The following PTPRD variants were observed in gnomAD, a reference collection of about 807,000 sequenced individuals.
PTPRD encodes protein tyrosine phosphatase receptor type D, also known as receptor-type tyrosine-protein phosphatase delta.
In PTPRD, 34 loss-of-function variants were observed where a neutral mutation model predicts 214.5. The ratio of observed to expected loss-of-function variants is 0.16; its 90% confidence interval spans 0.12 to 0.21. The LOEUF is 0.21. Ranked by LOEUF, PTPRD falls within the 10% of genes least tolerant of loss-of-function variation. The pLI is 1.00. For missense variants in PTPRD, 2,545 were observed against 2,398.7 expected (o/e 1.06, Z -1.27); for synonymous variants, 1,128 against 845.7 (o/e 1.33, Z -5.79).
chr9:9,137,184 C>T lies in PTPRD; in HGVS notation c.-143+46120G>A, dbSNP rs1021621384. ...TGCTATTGAAGAGGAATTATTGATT[C>T]TTGTTATAATAGCTGCATTTCAGCT... On this transcript the variant is annotated intron_variant, in intron 10 of 45. Transcript: ENST00000381196. Among the ~76,000 whole-genome samples, 8 of 152,214 alleles carry T rather than the reference C, an allele frequency of 5.3e-5. No homozygotes were observed. In the South Asian group the frequency reaches 1.7e-3, roughly 32 times the overall value.
intron 2 of PTPRD, among the ~76,000 whole-genome samples, chr9:10,367,143 A>G (rs569187392): frequency 6.6e-6 from 1 of 152,160 alleles, no homozygotes. Context: ...CAGGTTTACA[A>G]TGTAGAGTAG....
chr9:9,544,992 AGAG>A (rs1728232613), intron 8 of PTPRD, among the ~76,000 whole-genome samples: 2 of 151,614 alleles, frequency 1.3e-5, no homozygotes, highest in African/African-American at 2.4e-5. Flanking sequence ...TTTATTTTTT[AGAG>A]GAGTTTTACA....
chr9:8,560,166 T>C (rs1191584421), intron 14 of PTPRD, among the ~76,000 whole-genome samples: 1 of 152,224 alleles, frequency 6.6e-6, no homozygotes, highest in African/African-American at 2.4e-5. Flanking sequence ...ATTCTGCTTT[T>C]TGTGGGTTTA....
At chr9:10,514,815 C>T (rs867404651) in intron 2 of PTPRD, among the ~76,000 whole-genome samples, 7 of 152,028 alleles carry the variant, frequency 4.6e-5, no homozygotes, top group Middle Eastern at 3.4e-3. Context: ...CCACATGGTT[C>T]TTTAAAAAGT....
chr9:8,929,693 ATATATATATGTG>A (rs2098931067), intron 11 of PTPRD, among the ~76,000 whole-genome samples: 3 of 99,204 alleles, frequency 3.0e-5, no homozygotes, highest in Non-Finnish European at 7.4e-5. Context: ...ATATATGTGT[ATATATATATGTG>A]TATATATATA....
chr9:10,359,020 T>C (rs1362904068), intron 2 of PTPRD, among the ~76,000 whole-genome samples: 1 of 152,060 alleles, frequency 6.6e-6, no homozygotes, highest in African/African-American at 2.4e-5. Flanking sequence ...AAGTTGTTTT[T>C]TCCTTGCCTA....
intron 9 of PTPRD, among the ~76,000 whole-genome samples, chr9:9,386,958 G>A (rs1021477335): frequency 6.6e-6 from 1 of 152,134 alleles, no homozygotes; most frequent in Non-Finnish European, 1.5e-5. Context: ...TACAGAATGA[G>A]AATTCCAAGA....
chr9:9,469,752 CT>C (rs1189909376), intron 8 of PTPRD, among the ~76,000 whole-genome samples: 1 of 152,072 alleles, frequency 6.6e-6, no homozygotes, highest in African/African-American at 2.4e-5. Flanking sequence ...TCTGCCTGGG[CT>C]TCCTAAGGGA....
chr9:9,842,549 C>A (rs192455756), intron 5 of PTPRD, among the ~76,000 whole-genome samples: 63 of 151,924 alleles, frequency 4.1e-4, no homozygotes, highest in African/African-American at 1.5e-3. Flanking sequence ...AAAAGAGAGA[C>A]TAGATGTCAG....
intron 3 of PTPRD, among the ~76,000 whole-genome samples, chr9:10,037,708 C>T (rs2097213222): frequency 1.3e-5 from 2 of 151,932 alleles, no homozygotes; most frequent in African/African-American, 2.4e-5. Context: ...GATCAATCTT[C>T]GTTTTCTTGG....
chr9:8,526,482 T>A, intron 17 of PTPRD, 145 bp downstream of exon 17: 1 of 495,102 alleles, frequency 2.0e-6, no homozygotes. Context: ...TGAGAGTCAC[T>A]GATCATAACC....
chr9:8,363,586 G>T (rs547833520), intron 39 of PTPRD, among the ~76,000 whole-genome samples: 1 of 152,242 alleles, frequency 6.6e-6, no homozygotes, highest in East Asian at 1.9e-4. Flanking sequence ...TGTACTTGGG[G>T]GTTTTGCTCT....
chr9:10,487,879 T>C (rs2099142938), intron 2 of PTPRD, among the ~76,000 whole-genome samples: 1 of 151,816 alleles, frequency 6.6e-6, no homozygotes, highest in African/African-American at 2.4e-5. Flanking sequence ...ACTACCTCTA[T>C]TATCTTGGGC....
intron 3 of PTPRD, among the ~76,000 whole-genome samples, chr9:10,289,923 G>A (rs981832980): frequency 3.3e-5 from 5 of 152,152 alleles, no homozygotes; most frequent in South Asian, 2.1e-4. Context: ...GCTGAGGAGC[G>A]GTAGGGTAAA....
chr9:10,591,954 C>T (rs561168530), intron 2 of PTPRD, among the ~76,000 whole-genome samples: 1 of 152,086 alleles, frequency 6.6e-6, no homozygotes, highest in Admixed American at 6.6e-5. Flanking sequence ...TTGATTGCAG[C>T]CTTGTAAGAG....
chr9:9,333,552 CCA>C (rs1188657876), intron 9 of PTPRD, among the ~76,000 whole-genome samples: 107 of 139,092 alleles, frequency 7.7e-4, no homozygotes, highest in African/African-American at 2.8e-3. Context: ...TCACAAGTGG[CCA>C]CATGATGAAA....
At position 9,298,974 on chromosome 9, in the gene PTPRD, C is replaced by T. The variant is rs185686640; in HGVS notation, c.-203+98475G>A. Among the ~76,000 whole-genome samples, 36 of 151,832 alleles carry T rather than the reference C, an allele frequency of 2.4e-4. 3 individuals carry two copies. The highest frequency in any genetic ancestry group is 1.9e-3 in the Admixed American group (29 of 15,178). On this transcript the variant is annotated intron_variant, in intron 9 of 45. Transcript: ENST00000381196. ...AATATAAAAGACTTAAATGTGTTTG[C>T]TAATTAATATACTTTAAGCTGCATG... is the stretch of plus-strand genomic sequence containing the variant.
chr9:9,467,213 CTTTTTTTTTT>C (rs35659936), intron 8 of PTPRD, among the ~76,000 whole-genome samples: 8 of 92,902 alleles, frequency 8.6e-5, no homozygotes, highest in African/African-American at 3.5e-4. Flanking sequence ...GTTCATTTAT[CTTTTTTTTTT>C]TTTTTTTTTT....
intron 7 of PTPRD, among the ~76,000 whole-genome samples, chr9:9,697,170 G>A (rs1311058912): frequency 6.6e-6 from 1 of 151,946 alleles, no homozygotes; most frequent in Non-Finnish European, 1.5e-5. Context: ...TTTTTTGATA[G>A]ATTGCTTTTT....
Sources: allele counts gnomAD v4.1 joint callset (sites outside exome capture counted in the v4.1 genomes callset), GRCh38; gene constraint gnomAD v4.1.1; transcripts MANE v1.5; gene names NCBI Gene and HGNC (gene_info 2026-07-23, HGNC 2026-07-21).